Variants in PDE12 observed in about 807,000 individuals in gnomAD.
PDE12 encodes phosphodiesterase 12.
In PDE12, 26 loss-of-function variants were observed where a neutral mutation model predicts 45.4. The ratio of observed to expected loss-of-function variants is 0.57; its 90% CI spans 0.42 to 0.79. PDE12 has a LOEUF of 0.79. PDE12 is among the 30% of genes least tolerant of loss of function. PDE12 has a pLI of 0.00. For synonymous variants in PDE12, 283 were observed against 323.9 expected (o/e 0.87, Z 1.36); for missense variants, 668 against 790.0 (o/e 0.85, Z 1.85).
intron 2 of PDE12, 51 bp from the exon 3 acceptor site, chr3:57,559,506 TTTAAC>T: frequency 6.4e-7 from 1 of 1,565,048 alleles, no homozygotes; most frequent in South Asian, 1.2e-5. Context: ...GTTTTTCTTT[TTTAAC>T]TTAAAGACAA....
chr3:57,568,110 C>T (rs1023381837), downstream of PDE12, among the ~76,000 whole-genome samples: 2 of 139,882 alleles, frequency 1.4e-5, no homozygotes, highest in African/African-American at 5.3e-5. Context: ...CACTTGTTTT[C>T]AATGACAAGT....
chr3:57,646,137 T>C, the PDE12 span, among the ~76,000 whole-genome samples: 1 of 152,228 alleles, frequency 6.6e-6, no homozygotes, highest in Non-Finnish European at 1.5e-5. Flanking sequence ...GAATCAATTT[T>C]CTCATCCATA....
the PDE12 span, chr3:57,625,970 G>A: frequency 6.6e-6 from 1 of 152,478 alleles, no homozygotes; most frequent in Non-Finnish European, 1.5e-5. Context: ...TATATAAATT[G>A]TACAATTATT....
At chr3:57,606,093 C>T in the PDE12 span, among the ~76,000 whole-genome samples, 2 of 152,072 alleles carry the variant, frequency 1.3e-5, no homozygotes, top group Non-Finnish European at 1.5e-5. Flanking sequence ...GACCAATGAC[C>T]CACATTTTCC....
chr3:57,590,721 C>T, the PDE12 span, among the ~76,000 whole-genome samples: 1 of 152,056 alleles, frequency 6.6e-6, no homozygotes, highest in African/African-American at 2.4e-5. Context: ...ATCTGTCACC[C>T]AGCCTGGAGT....
chr3:57,579,253 C>CA, the PDE12 span, among the ~76,000 whole-genome samples: 2 of 47,600 alleles, frequency 4.2e-5, 1 homozygote, highest in African/African-American at 1.7e-4. Flanking sequence ...AACTACATCT[C>CA]AAAAAAAAAA....
chr3:57,557,136 G>A lies in PDE12; in HGVS notation c.757G>A (p.Gly253Ser), dbSNP rs2069672214. 6.2e-7 allele frequency: 1 copy of A among 1,614,080 alleles called. No individual in the cohort carries two copies. Among genetic ancestry groups the A allele is most frequent in the Non-Finnish European group, 8.5e-7 (1 of 1,180,010 alleles). The change falls in exon 1 of 3, where the codon GGC becomes AGC. Residue 253 changes from glycine (G) to serine (S), a missense_variant. Gly to Ser is a moderately conservative substitution (Grantham distance 56). Around this residue, in one of 3 missense-constraint regions of PDE12, gnomAD observed 580 missense variants for 662.9 expected, o/e 0.87. Coordinates refer to ENST00000311180, the MANE Select transcript of PDE12 (RefSeq NM_177966.7). ...AAGGCTCAAGCTTCACTGCACCCCA[G>A]GCGATGGGCAGCGCTTTGGGCACAG... ...GLRLKLHCTP[G>S]DGQRFGHSRE...
the PDE12 span, among the ~76,000 whole-genome samples, chr3:57,611,136 G>A: frequency 6.6e-6 from 1 of 152,130 alleles, no homozygotes; most frequent in African/African-American, 2.4e-5. Context: ...ATGGAGAAAG[G>A]ATTCCCTATT....
chr3:57,630,787 A>C, the PDE12 span: 3 of 1,613,962 alleles, frequency 1.9e-6, no homozygotes, highest in Non-Finnish European at 2.5e-6. Context: ...TGTTTTCATA[A>C]ATTCTTCTGG....
the PDE12 span, among the ~76,000 whole-genome samples, chr3:57,645,453 T>A: frequency 6.6e-6 from 1 of 152,102 alleles, no homozygotes; most frequent in African/African-American, 2.4e-5. Flanking sequence ...AGAGCAAACC[T>A]CTGTCTCAAA....
At chr3:57,650,165 A>G in the PDE12 span, among the ~76,000 whole-genome samples, 9 of 152,166 alleles carry the variant, frequency 5.9e-5, no homozygotes, top group South Asian at 1.0e-3. Context: ...GGTGAGGGAT[A>G]AAAAGACTAC....
At chr3:57,629,507 CTTTTTTTT>C in the PDE12 span, among the ~76,000 whole-genome samples, 8 of 98,230 alleles carry the variant, frequency 8.1e-5, no homozygotes, top group African/African-American at 3.1e-4. Context: ...AATCAGTCCG[CTTTTTTTT>C]TTTTTTTTTT....
At chr3:57,633,241 G>T in the PDE12 span, 1 of 1,573,096 alleles carries the variant, frequency 6.4e-7, no homozygotes, top group Non-Finnish European at 8.7e-7. Context: ...ATTAAATTAT[G>T]CAAAAATTTA....
At chr3:57,653,247 G>A in the PDE12 span, among the ~76,000 whole-genome samples, 1 of 152,098 alleles carries the variant, frequency 6.6e-6, no homozygotes, top group Non-Finnish European at 1.5e-5. Flanking sequence ...ATTCCTTTAA[G>A]GCACCAAGTT....
the PDE12 span, among the ~76,000 whole-genome samples, chr3:57,601,405 A>G: frequency 6.6e-6 from 1 of 151,990 alleles, no homozygotes; most frequent in African/African-American, 2.4e-5. Flanking sequence ...CACCGCGCCC[A>G]GCCTCTGACT....
chr3:57,559,314 C>G lies in PDE12; in HGVS notation c.1313C>G (p.Ser438Ter), dbSNP rs777785132. 1.2e-5 allele frequency: 19 copies of G among 1,604,684 alleles called. No homozygotes were observed. The highest frequency in any genetic ancestry group is 1.6e-5 in the Non-Finnish European group (19 of 1,174,706). The change falls in exon 2 of 3, where the codon TCA becomes TGA. Residue 438 changes from serine to a stop codon, truncating the protein, a stop_gained. Coordinates refer to ENST00000311180, the MANE Select transcript of PDE12 (RefSeq NM_177966.7). LOFTEE classifies it high-confidence loss of function. ...GGCACTTTCCGTTTATTTTAGGTTT[C>G]AGTTCTTCAGTCTACAAAGGACTCT... ...VLQRSSVLQV[S>*]VLQSTKDSSK...
At chr3:57,641,860 C>A in the PDE12 span, 1 of 745,510 alleles carries the variant, frequency 1.3e-6, no homozygotes, top group Non-Finnish European at 2.1e-6. Context: ...TTGATTTTTC[C>A]TTTATTCAAC....
rs893230267 is a variant in PDE12 at position 57,559,933 on chromosome 3, C to A, written c.1759C>A (p.His587Asn). ...ACCTAGTCATGAAGAAGTTACCACC[C>A]ACCAGGCCTTACCTAGTGTTTCCCA... The part of the protein sequence containing the change: ...PLPSHEEVTT[H>N]QALPSVSHPS... Residue 587 changes from histidine (H) to asparagine (N), a missense_variant, in exon 3 of 3, where the codon CAC (histidine) becomes AAC (asparagine). This residue lies in a region of PDE12 where 79 missense variants were observed against 97.9 expected (regional missense o/e 0.81). Transcript: ENST00000311180. The A allele has an allele frequency of 6.2e-7, 1 of 1,613,638 alleles. No homozygotes were observed. Among genetic ancestry groups the A allele is most frequent in the South Asian group, 1.1e-5 (1 of 91,084 alleles).
At chr3:57,646,295 A>AG in the PDE12 span, 1 of 1,590,104 alleles carries the variant, frequency 6.3e-7, no homozygotes, top group South Asian at 1.2e-5. Flanking sequence ...AAACCCAGAA[A>AG]TAGTAACCAA....
Sources: allele counts gnomAD v4.1 joint callset (sites outside exome capture counted in the v4.1 genomes callset), GRCh38; gene constraint gnomAD v4.1.1; regional missense constraint gnomAD v4.1.1; transcripts MANE v1.5; gene names NCBI Gene and HGNC (gene_info 2026-07-23, HGNC 2026-07-21).